Variants in GABRB3 observed in about 807,000 individuals in gnomAD.
The protein encoded by GABRB3 is gamma-aminobutyric acid type A receptor subunit beta3.
Under a neutral mutation model 52.1 loss-of-function variants are expected in GABRB3, and 14 were observed. The ratio of observed to expected loss-of-function variants is 0.27; its 90% CI spans 0.18 to 0.42. The LOEUF (loss-of-function observed/expected upper bound fraction) is 0.42, where lower values mean the gene tolerates loss of function less well. Ranked by LOEUF, GABRB3 falls within the 10% of genes least tolerant of loss-of-function variation. GABRB3 has a pLI of 1.00. For synonymous variants in GABRB3, 260 were observed against 232.3 expected (o/e 1.12, Z -1.08); for missense variants, 307 against 609.1 (o/e 0.50, Z 5.22).
intron 3 of GABRB3, among the ~76,000 whole-genome samples, chr15:26,748,441 A>G (rs1890409612): frequency 6.6e-6 from 1 of 152,142 alleles, no homozygotes; most frequent in Admixed American, 6.6e-5. Context: ...GGTACATTTT[A>G]GTAACTTTTG....
chr15:26,744,413 C>A (rs1205247886), intron 3 of GABRB3, among the ~76,000 whole-genome samples: 2 of 140,108 alleles, frequency 1.4e-5, no homozygotes, highest in Non-Finnish European at 3.1e-5. Context: ...CAACTTAACT[C>A]ATCAACAATA....
chr15:26,590,465 T>A (rs1891153834), intron 4 of GABRB3, among the ~76,000 whole-genome samples: 1 of 152,174 alleles, frequency 6.6e-6, no homozygotes, highest in Non-Finnish European at 1.5e-5. Context: ...TCATCGTTCC[T>A]CTGATGCAGG....
intron 3 of GABRB3, among the ~76,000 whole-genome samples, chr15:26,759,315 C>T (rs1317461158): frequency 1.3e-5 from 2 of 152,122 alleles, no homozygotes; most frequent in Admixed American, 6.5e-5. Context: ...AGTGCAGTGG[C>T]GCAATCTTGG....
chr15:26,762,982 G>A (rs1396677081), intron 3 of GABRB3, among the ~76,000 whole-genome samples: 1 of 152,226 alleles, frequency 6.6e-6, no homozygotes, highest in Non-Finnish European at 1.5e-5. Context: ...ACTGCAGAAT[G>A]CTTAAGAGCC....
chr15:26,615,507 A>C (rs1249716842), intron 4 of GABRB3: 1 of 924,858 alleles, frequency 1.1e-6, no homozygotes, highest in African/African-American at 1.8e-5. Context: ...CATGATTTAA[A>C]ACAACCTTTT....
chr15:26,624,154 T>A, intron 3 of GABRB3: 3 of 973,978 alleles, frequency 3.1e-6, no homozygotes, highest in Non-Finnish European at 3.7e-6. Context: ...ATGCAGAACA[T>A]CAGGATGAGA....
intron 3 of GABRB3, among the ~76,000 whole-genome samples, chr15:26,696,710 G>A (rs557623720): frequency 2.0e-5 from 3 of 152,256 alleles, no homozygotes; most frequent in Admixed American, 6.5e-5. Flanking sequence ...ACTGCCTTTT[G>A]CCACGTCGAC....
intron 3 of GABRB3, among the ~76,000 whole-genome samples, chr15:26,735,163 G>T (rs953481147): frequency 1.3e-5 from 2 of 151,980 alleles, no homozygotes; most frequent in Non-Finnish European, 2.9e-5. Context: ...CATCATTAGG[G>T]GACTACAAAT....
intron 3 of GABRB3, among the ~76,000 whole-genome samples, chr15:26,769,966 T>C (rs145960092): frequency 2.5e-4 from 20 of 80,870 alleles, no homozygotes; most frequent in East Asian, 4.5e-4. Context: ...AGCTCATGAA[T>C]AGATTTTACT....
chr15:26,753,763 C>A (rs1250500709), intron 3 of GABRB3, among the ~76,000 whole-genome samples: 1 of 152,074 alleles, frequency 6.6e-6, no homozygotes, highest in Non-Finnish European at 1.5e-5. Context: ...ACAGGAAAAG[C>A]CGAATATACA....
chr15:26,610,354 G>A (rs1296099003), intron 4 of GABRB3, among the ~76,000 whole-genome samples: 1 of 152,098 alleles, frequency 6.6e-6, no homozygotes, highest in Non-Finnish European at 1.5e-5. Flanking sequence ...TCAGTGACTG[G>A]CTTTCTGTGT....
At chr15:26,747,366 A>G (rs1012587494) in intron 3 of GABRB3, among the ~76,000 whole-genome samples, 1 of 152,218 alleles carries the variant, frequency 6.6e-6, no homozygotes, top group East Asian at 1.9e-4. Context: ...GAAAACGGGA[A>G]GTTTCTCCAT....
At position 26,584,192 on chromosome 15, in the gene GABRB3, T is replaced by G. The variant is rs372652964; in HGVS notation, c.462-778A>C. Among the ~76,000 whole-genome samples the G allele has an allele frequency of 1.2e-4, 19 of 152,296 alleles. No individual in the cohort carries two copies. The East Asian group carries it at 3.3e-3, about 26-fold the overall frequency. ...ATAGTCACCATATTGTACCAAAAAC[T>G]TACTAGGTCTTATTGACTTTGGATA... On this transcript the variant is annotated intron_variant, in intron 4 of 8. Transcript: ENST00000311550.
chr15:26,577,576 G>T (rs937230513), intron 6 of GABRB3, among the ~76,000 whole-genome samples: 3 of 152,064 alleles, frequency 2.0e-5, no homozygotes, highest in East Asian at 1.9e-4. Context: ...GCTGCAACTT[G>T]GTACATCATA....
intron 6 of GABRB3, among the ~76,000 whole-genome samples, chr15:26,579,946 G>A (rs556474270): frequency 6.6e-6 from 1 of 152,310 alleles, no homozygotes; most frequent in Admixed American, 6.5e-5. Context: ...CTTGGGAGGA[G>A]AACAGCACCT....
intron 3 of GABRB3, among the ~76,000 whole-genome samples, chr15:26,759,204 T>C (rs762666450): frequency 2.6e-5 from 4 of 152,096 alleles, no homozygotes; most frequent in African/African-American, 7.2e-5. Context: ...ACTTTATGTA[T>C]ATAAAATTTT....
At chr15:26,603,733 A>G (rs1389403968) in intron 4 of GABRB3, among the ~76,000 whole-genome samples, 1 of 152,092 alleles carries the variant, frequency 6.6e-6, no homozygotes, top group Admixed American at 6.6e-5. Flanking sequence ...TCCCTTCATG[A>G]TAAAAAAGCA....
intron 3 of GABRB3, among the ~76,000 whole-genome samples, chr15:26,699,219 A>G (rs1239906965): frequency 1.3e-5 from 2 of 149,980 alleles, no homozygotes; most frequent in Admixed American, 1.5e-4. Flanking sequence ...GAGTACACAG[A>G]AGGTCTTGCC....
intron 4 of GABRB3, among the ~76,000 whole-genome samples, chr15:26,591,639 G>A (rs1043748070): frequency 1.3e-5 from 2 of 152,118 alleles, no homozygotes; most frequent in Admixed American, 6.5e-5. Context: ...AGTTCTTAAG[G>A]ACTACACCGC....
Sources: allele counts gnomAD v4.1 joint callset (sites outside exome capture counted in the v4.1 genomes callset), GRCh38; gene constraint gnomAD v4.1.1; transcripts MANE v1.5; gene names NCBI Gene and HGNC (gene_info 2026-07-23, HGNC 2026-07-21).